Variants in ELFN1 observed in about 807,000 individuals in gnomAD.
ELFN1 encodes the protein extracellular leucine rich repeat and fibronectin type III domain containing 1, also known as protein ELFN1.
ELFN1 carries 6 observed loss-of-function variants against 7.6 expected under a neutral mutation model. The ratio of observed to expected loss-of-function variants is 0.79; its 90% CI spans 0.43 to 1.56. ELFN1 has a LOEUF of 1.56. Ranked by LOEUF, ELFN1 falls within the 40% of genes most tolerant of loss-of-function variation. The pLI is 0.01. For missense variants in ELFN1, 1,169 were observed against 1,232.2 expected (o/e 0.95, Z 0.77); for synonymous variants, 657 against 588.1 (o/e 1.12, Z -1.70).
rs1036475500 is a variant in ELFN1 at position 1,746,932 on chromosome 7, G to C, written c.2336G>C (p.Arg779Pro). The part of the protein sequence containing the change: ...TCRASQSIWE[R>P]FRLSRRRHKE... ...CGGGCCTCCCAGAGCATCTGGGAGC[G>C]CTTCAGACTGAGCCGCCGGCGGCAC... Residue 779 changes from arginine to proline, a missense_variant, in exon 4 of 4, where the codon CGC (arginine) becomes CCC (proline). By Grantham distance (103) the Arg-to-Pro change is moderately radical. Transcript: ENST00000424383. 2 of 1,549,790 alleles carry C rather than the reference G, an allele frequency of 1.3e-6. No homozygotes were observed. The highest frequency in any genetic ancestry group is 1.7e-6 in the Non-Finnish European group (2 of 1,146,766).
upstream of ELFN1, among the ~76,000 whole-genome samples, chr7:1,666,676 G>A (rs1778675600): frequency 6.6e-6 from 1 of 151,786 alleles, no homozygotes; most frequent in Non-Finnish European, 1.5e-5. This position sits in a 1 kb window ranked among gnomAD's most constrained non-coding sequence, Gnocchi z 7.9. Context: ...GTGCGCTGGG[G>A]TAGCCGCGGC....
At position 1,746,948 on chromosome 7, in the gene ELFN1, C is replaced by T. The variant is rs770773878; in HGVS notation, c.2352C>T (p.Arg784=). 2 of 1,550,694 alleles carry T rather than the reference C, an allele frequency of 1.3e-6. No individual in the cohort carries two copies. Among genetic ancestry groups the T allele is most frequent in the Non-Finnish European group, 8.7e-7 (1 of 1,147,370 alleles). ...QSIWERFRLS[R]RRHKEEEEFM... Reference sequence around the variant, plus strand: ...TCTGGGAGCGCTTCAGACTGAGCCGCCGGCGGCACAAGGAGGAAGAGGAGT... The same window carrying T: ...TCTGGGAGCGCTTCAGACTGAGCCGTCGGCGGCACAAGGAGGAAGAGGAGT... Residue 784 remains arginine, a synonymous_variant, in exon 4 of 4, where the codon CGC becomes CGT. Coordinates refer to ENST00000424383, the MANE Select transcript of ELFN1 (RefSeq NM_001128636.4).
Position 1,746,505 on chromosome 7 carries a change from C to T in ELFN1, c.1909C>T (p.Arg637Cys), listed in dbSNP as rs1273292018. 8 of 1,482,574 alleles carry T rather than the reference C, an allele frequency of 5.4e-6. No homozygotes were observed. Among genetic ancestry groups the T allele is most frequent in the Admixed American group, 2.4e-5 (1 of 41,500 alleles). 91.8% of individuals were successfully genotyped at this position (1,482,574 alleles called of 1,614,324 possible). ...CAGCGTGGAGGCCGCCGGGCCCCCT[C>T]GTGCCAGCACCTCGTCCAGCGGCTC... ...HHSVEAAGPP[R>C]ASTSSSGSVR... Residue 637 changes from arginine (R) to cysteine (C), a missense_variant, in exon 4 of 4, where the codon CGT becomes TGT. Coordinates refer to ENST00000424383, the MANE Select transcript of ELFN1 (RefSeq NM_001128636.4).
rs1168686868 is a variant in ELFN1, at chr7:1,747,032, G to A, written c.2436G>A (p.Leu812=). 2 of 1,552,866 alleles carry A rather than the reference G, an allele frequency of 1.3e-6. No homozygotes were observed. The highest frequency in any genetic ancestry group is 1.7e-6 in the Non-Finnish European group (2 of 1,147,732). The change falls in exon 4 of 4, where the codon CTG becomes CTA. Residue 812 remains leucine (L), a synonymous_variant. Transcript: ENST00000424383. ...TTCAGTTCGCCAAAGACGAGGATCT[G>A]CACGACATCCTGGACTACTGGAAGG... is the stretch of plus-strand genomic sequence containing the variant. ...KKVQFAKDED[L]HDILDYWKGV... is the part of the protein sequence containing the mutation.
chr7:1,713,981 C>T (rs984255481), intron 3 of ELFN1, among the ~76,000 whole-genome samples: 1 of 152,134 alleles, frequency 6.6e-6, no homozygotes, highest in African/African-American at 2.4e-5. Context: ...GATCAGCTGG[C>T]GGCTGCTGAG....
intron 3 of ELFN1, among the ~76,000 whole-genome samples, chr7:1,737,966 G>A (rs1780496337): frequency 6.6e-6 from 1 of 152,248 alleles, no homozygotes; most frequent in Non-Finnish European, 1.5e-5. Flanking sequence ...CTGCCTGTGG[G>A]AGGCAGAGCT....
At chr7:1,693,572 G>A (rs541452858) in intron 2 of ELFN1, 10 of 471,254 alleles carry the variant, frequency 2.1e-5, no homozygotes, top group Non-Finnish European at 4.0e-5. Context: ...CTTGCTGGGT[G>A]TGTGCACATC....
At chr7:1,727,549 G>C (rs1363481094) in intron 3 of ELFN1, among the ~76,000 whole-genome samples, 1 of 152,108 alleles carries the variant, frequency 6.6e-6, no homozygotes, top group African/African-American at 2.4e-5. Context: ...CACTCAAGGG[G>C]CCTCCCTTCA....
intron 3 of ELFN1, among the ~76,000 whole-genome samples, chr7:1,726,819 TCCA>T (rs2128596449): frequency 6.6e-6 from 1 of 152,268 alleles, no homozygotes; most frequent in South Asian, 2.1e-4. Flanking sequence ...GGATGCCTCC[TCCA>T]CCAGAACTCG....
upstream of ELFN1, among the ~76,000 whole-genome samples, chr7:1,667,134 C>G (rs1047871201): frequency 1.3e-5 from 2 of 151,876 alleles, no homozygotes; most frequent in African/African-American, 2.4e-5. The surrounding 1 kb of genome is among the most constrained non-coding windows in gnomAD (Gnocchi z 8.2). Flanking sequence ...TCGGCCCCCC[C>G]CCGAACTTTT....
chr7:1,703,957 C>T (rs573545505), intron 2 of ELFN1, among the ~76,000 whole-genome samples: 84 of 152,310 alleles, frequency 5.5e-4, no homozygotes, highest in African/African-American at 1.9e-3. Flanking sequence ...GCCGGGAGGG[C>T]TCAGTACAAA....
intron 2 of ELFN1, among the ~76,000 whole-genome samples, chr7:1,696,828 C>T (rs1351853387): frequency 6.6e-6 from 1 of 152,198 alleles, no homozygotes; most frequent in Non-Finnish European, 1.5e-5. Flanking sequence ...GGCTTCATCC[C>T]AGGGATGCTG....
At position 1,744,449 on chromosome 7, in the gene ELFN1, C is replaced by T. The variant is rs1780716962; in HGVS notation, c.-148C>T. On this transcript the variant is annotated 5_prime_UTR_variant, in exon 4 of 4. Coordinates refer to ENST00000424383, the MANE Select transcript of ELFN1 (RefSeq NM_001128636.4). ...GCGCCCTCCCTCCCCGCGCTTACGT[C>T]GCGCGGCCATGCGGTTTGGGACAGG... is the stretch of plus-strand genomic sequence containing the variant. 1.4e-5 allele frequency: 13 copies of T among 912,856 alleles called. No individual in the cohort carries two copies. In the East Asian group the frequency reaches 1.8e-4, roughly 13 times the overall value. 56.5% of individuals were successfully genotyped at this position (912,856 alleles called of 1,614,324 possible).
At chr7:1,725,056 C>A (rs924008194) in intron 3 of ELFN1, among the ~76,000 whole-genome samples, 6 of 152,202 alleles carry the variant, frequency 3.9e-5, no homozygotes, top group African/African-American at 1.4e-4. Flanking sequence ...CAGCCCTGCA[C>A]CCCAGAGGGT....
intron 2 of ELFN1, chr7:1,693,107 C>T (rs894020179): frequency 2.3e-5 from 8 of 342,756 alleles, no homozygotes; most frequent in African/African-American, 1.5e-4. Context: ...CCTTCACCCT[C>T]CTTAAGGGGT....
chr7:1,747,071 G>A lies in ELFN1; in HGVS notation c.2475G>A (p.Gln825=). ...ILDYWKGVSA[Q]HKS ...ACTACTGGAAGGGCGTGTCGGCCCA[G>A]CACAAGTCCTGAGCCCCCCAAGACC... Residue 825 remains glutamine, a synonymous_variant, in exon 4 of 4, where the codon CAG becomes CAA. Coordinates refer to ENST00000424383, the MANE Select transcript of ELFN1 (RefSeq NM_001128636.4). The A allele has an allele frequency of 1.3e-6, 2 of 1,504,784 alleles. No individual in the cohort carries two copies. Among genetic ancestry groups the A allele is most frequent in the Non-Finnish European group, 1.8e-6 (2 of 1,119,760 alleles). 93.2% of individuals were successfully genotyped at this position (1,504,784 alleles called of 1,614,324 possible). A position where few individuals can be genotyped will look rare whatever the true frequency, so the allele number is the denominator to read the frequency against.
chr7:1,724,753 T>G (rs1213799621), intron 3 of ELFN1, among the ~76,000 whole-genome samples: 1 of 152,144 alleles, frequency 6.6e-6, no homozygotes, highest in East Asian at 1.9e-4. Flanking sequence ...CTCACCTGAT[T>G]CTTCTCCGTG....
Position 1,745,911 on chromosome 7 carries a change from T to C in ELFN1, c.1315T>C (p.Cys439Arg), listed in dbSNP as rs1780768072. The change falls in exon 4 of 4, where the codon TGC (cysteine) becomes CGC (arginine). Residue 439 changes from cysteine (C) to arginine (R), a missense_variant. Coordinates refer to ENST00000424383, the MANE Select transcript of ELFN1 (RefSeq NM_001128636.4). ...MVLVLGAVYYCLRRRRRQEEK... is the reference protein window; with the variant it reads ...MVLVLGAVYYRLRRRRRQEEK... ...GCTGGTGCTGGGCGCCGTCTACTAC[T>C]GCCTGCGCAGGCGGCGGCGCCAGGA... The C allele has an allele frequency of 6.3e-7, 1 of 1,579,622 alleles. No individual in the cohort carries two copies. Among genetic ancestry groups the C allele is most frequent in the Admixed American group, 1.8e-5 (1 of 54,708 alleles).
At chr7:1,711,109 C>T (rs1016900815) in intron 3 of ELFN1, among the ~76,000 whole-genome samples, 3 of 152,206 alleles carry the variant, frequency 2.0e-5, no homozygotes, top group African/African-American at 7.2e-5. Flanking sequence ...TGGGATAGTC[C>T]CTCCTTCCCA....
Sources: allele counts gnomAD v4.1 joint callset (sites outside exome capture counted in the v4.1 genomes callset), GRCh38; gene constraint gnomAD v4.1.1; non-coding constraint Gnocchi (gnomAD v3.1); transcripts MANE v1.5; gene names NCBI Gene and HGNC (gene_info 2026-07-23, HGNC 2026-07-21).